The following SRCIN1 variants were observed in gnomAD, a reference collection of about 807,000 sequenced individuals.
The protein encoded by SRCIN1 is SRC kinase signaling inhibitor 1.
SRCIN1 carries 50 observed loss-of-function variants against 116.2 expected under a neutral mutation model. The observed-to-expected ratio is 0.43, with a 90% confidence interval of 0.34 to 0.54. SRCIN1 has a LOEUF of 0.54. Ranked by LOEUF, SRCIN1 falls within the 20% of genes least tolerant of loss-of-function variation. The pLI is 0.02. For synonymous variants in SRCIN1, 736 were observed against 750.0 expected (o/e 0.98, Z 0.30); for missense variants, 1,446 against 1,672.0 (o/e 0.86, Z 2.36).
rs566432083 is a variant in SRCIN1 at position 38,585,853 on chromosome 17, G to C, written c.23-7062C>G. The stretch of plus-strand genomic sequence containing the variant: ...GGCGTGTGATGGGGGAAGGGCGATG[G>C]GGGGAAGGAGGCAGCTGGACTGAGG... On this transcript the variant is annotated intron_variant, in intron 1 of 18. Transcript: ENST00000617146. The surrounding 1 kb of genome is among the most constrained non-coding windows in gnomAD (Gnocchi z 4.2). Among the ~76,000 whole-genome samples, 1 of 152,118 alleles carries C rather than the reference G, an allele frequency of 6.6e-6. No individual in the cohort carries two copies. Among genetic ancestry groups the C allele is most frequent in the African/African-American group, 2.4e-5 (1 of 41,408 alleles).
chr17:38,564,416 C>CGACACCCACACAGATTACA (rs1906542575), intron 3 of SRCIN1, 103 bp from the exon 4 acceptor site: 5 of 1,216,166 alleles, frequency 4.1e-6, no homozygotes, highest in African/African-American at 1.5e-5. Flanking sequence ...TGCCAGCCAG[C>CGACACCCACACAGATTACA]GACACCCACA....
chr17:38,603,221 G>A (rs1393368554), intron 1 of SRCIN1, among the ~76,000 whole-genome samples: 1 of 152,086 alleles, frequency 6.6e-6, no homozygotes, highest in East Asian at 1.9e-4. Flanking sequence ...GGGAGAGAGA[G>A]AGAAAGAGAG....
chr17:38,542,470 TC>T, intron 18 of SRCIN1: 1 of 153,040 alleles, frequency 6.5e-6, no homozygotes, highest in Admixed American at 6.5e-5. Context: ...TCTGTCAGTG[TC>T]AGCTGCTCTG....
intron 18 of SRCIN1, among the ~76,000 whole-genome samples, chr17:38,540,375 TGAA>T (rs1904651905): frequency 6.6e-6 from 1 of 152,326 alleles, no homozygotes; most frequent in Admixed American, 6.5e-5. Context: ...ACTCACTGGA[TGAA>T]GGAGAGGCCT....
chr17:38,600,642 C>G (rs749596663), intron 1 of SRCIN1, among the ~76,000 whole-genome samples: 9 of 152,220 alleles, frequency 5.9e-5, no homozygotes, highest in Non-Finnish European at 1.3e-4. Context: ...GCTAAGCTCC[C>G]GGCAGAGGGC....
Position 38,561,698 on chromosome 17 carries a change from G to T in SRCIN1, c.1465C>A (p.Pro489Thr). 1 of 1,540,200 alleles carries T rather than the reference G, an allele frequency of 6.5e-7. No individual in the cohort carries two copies. The highest frequency in any genetic ancestry group is 2.4e-5 in the East Asian group (1 of 40,922). ...ADVAAPPGGP[P>T]PPHSPYSGPP... ...CCCGAGTAGGGGCTGTGCGGTGGCG[G>T]GGGACCTCCGGGGGGTGCTGCCACG... The change falls in exon 7 of 19, where the codon CCG (proline) becomes ACG (threonine). Residue 489 changes from proline to threonine, a missense_variant. This residue lies in a region of SRCIN1 where 398 missense variants were observed against 385.6 expected (regional missense o/e 1.03). Coordinates refer to ENST00000617146, the MANE Select transcript of SRCIN1 (RefSeq NM_025248.3).
At position 38,552,042 on chromosome 17, in the gene SRCIN1, G is replaced by A. The variant is rs202075131; in HGVS notation, c.2571C>T (p.Ser857=). The part of the protein sequence containing the change: ...KVTAETDFNK[S]VDFEMPPPSP... ...TGGGGGGTGGCATTTCGAAGTCCAC[G>A]CTCTTGTTGAAGTCAGTCTCTGCCG... The change falls in exon 14 of 19, where the codon AGC becomes AGT. Residue 857 remains serine, a synonymous_variant. Coordinates refer to ENST00000617146, the MANE Select transcript of SRCIN1 (RefSeq NM_025248.3). This position sits in a 1 kb window ranked among gnomAD's most constrained non-coding sequence, Gnocchi z 5.3. 1.7e-5 allele frequency: 27 copies of A among 1,613,806 alleles called. No individual in the cohort carries two copies. The highest frequency in any genetic ancestry group is 2.2e-5 in the East Asian group (1 of 44,884).
Position 38,578,808 on chromosome 17 carries a change from GGGCAC to G in SRCIN1, c.23-22_23-18del. The G allele has an allele frequency of 6.8e-7, 1 of 1,467,272 alleles. No individual in the cohort carries two copies. Among genetic ancestry groups the G allele is most frequent in the Non-Finnish European group, 9.0e-7 (1 of 1,112,602 alleles). The allele number at this position is 1,467,272 out of a possible 1,614,324, so 90.9% of individuals were successfully genotyped here. ...GCTCCGGATCTGCGAGAGGTGAGAG[GGGCAC>G]GGCTGGGTCACGGCGCGCCCGGCCT... On this transcript the variant is annotated intron_variant, in intron 1 of 18. Transcript: ENST00000617146.
chr17:38,565,100 C>G (rs191687973), intron 3 of SRCIN1, among the ~76,000 whole-genome samples: 31 of 151,016 alleles, frequency 2.1e-4, no homozygotes, highest in Non-Finnish European at 1.5e-5. Flanking sequence ...AGGCTGATAT[C>G]TGGCTGGGGG....
chr17:38,564,048 G>A (rs2061248161), intron 4 of SRCIN1, 70 bp downstream of exon 4: 3 of 1,501,634 alleles, frequency 2.0e-6, no homozygotes, highest in African/African-American at 1.4e-5. Context: ...GGGGAGGAGG[G>A]GGCTCCAGGG....
Position 38,562,157 on chromosome 17 carries a change from G to GC in SRCIN1, c.1005dup (p.Arg336AlafsTer63). Reference sequence around the variant, plus strand: ...GGGCTGCCGGCGTACGAAGGCGGGCGCCCCCCGGCGTACGATAGGCGCGAA... The same window carrying GC: ...GGGCTGCCGGCGTACGAAGGCGGGCGCCCCCCCGGCGTACGATAGGCGCGAA... On this transcript the variant is annotated frameshift_variant, in exon 7 of 19. Transcript: ENST00000617146. LOFTEE classifies it high-confidence loss of function. The surrounding 1 kb of genome is among the most constrained non-coding windows in gnomAD (Gnocchi z 4.2). The GC allele has an allele frequency of 7.3e-7, 1 of 1,365,096 alleles. No homozygotes were observed. The highest frequency in any genetic ancestry group is 9.4e-7 in the Non-Finnish European group (1 of 1,067,006). 84.6% of individuals were successfully genotyped at this position (1,365,096 alleles called of 1,614,324 possible). A position where few individuals can be genotyped will look rare whatever the true frequency, so the allele number is the denominator to read the frequency against.
Position 38,558,277 on chromosome 17 carries a change from C to G in SRCIN1, c.2151G>C (p.Glu717Asp). Reference protein sequence around the residue: ...PLQRQRTLVEEERLRYLNDEE... With the variant: ...PLQRQRTLVEDERLRYLNDEE... Reference sequence around the variant, plus strand: ...CGTCGTTGAGATAGCGCAGCCGTTCCTCTTCCACCAGGGTGCGCTGCCGCT... The same window carrying G: ...CGTCGTTGAGATAGCGCAGCCGTTCGTCTTCCACCAGGGTGCGCTGCCGCT... The change falls in exon 11 of 19, where the codon GAG (glutamate) becomes GAC (aspartate). Residue 717 changes from glutamate (E) to aspartate (D), a missense_variant. By Grantham distance (45) the Glu-to-Asp change is conservative (BLOSUM62 2). This residue lies in a region of SRCIN1 where 531 missense variants were observed against 633.9 expected (regional missense o/e 0.84). Coordinates refer to ENST00000617146, the MANE Select transcript of SRCIN1 (RefSeq NM_025248.3). This position sits in a 1 kb window ranked among gnomAD's most constrained non-coding sequence, Gnocchi z 4.6. 1 of 1,612,748 alleles carries G rather than the reference C, an allele frequency of 6.2e-7. No individual in the cohort carries two copies. The highest frequency in any genetic ancestry group is 8.5e-7 in the Non-Finnish European group (1 of 1,179,704).
At chr17:38,556,434 A>C (rs1905798751) in intron 11 of SRCIN1, among the ~76,000 whole-genome samples, 1 of 152,248 alleles carries the variant, frequency 6.6e-6, no homozygotes, top group Admixed American at 6.5e-5. Flanking sequence ...TGGGCAGGTG[A>C]GTGAGTCAAG....
Position 38,533,347 on chromosome 17 carries a change from T to C in SRCIN1, c.3502A>G (p.Ile1168Val), listed in dbSNP as rs1764193363. The change falls in exon 19 of 19, where the codon ATC becomes GTC. Residue 1168 changes from isoleucine (I) to valine (V), a missense_variant. By Grantham distance (29) the Ile-to-Val change is conservative. Transcript: ENST00000617146. ...SEKPSASRTS[I>V]PVLTSFGARN... is the part of the protein sequence containing the mutation. ...GCCCCAAAGGAAGTCAATACAGGGA[T>C]AGAGGTTCTGGAAGCCGAGGGCTTT... 1 of 1,603,378 alleles carries C rather than the reference T, an allele frequency of 6.2e-7. No homozygotes were observed.
At chr17:38,537,709 T>A (rs1449099974) in intron 18 of SRCIN1, among the ~76,000 whole-genome samples, 1 of 149,262 alleles carries the variant, frequency 6.7e-6, no homozygotes, top group Non-Finnish European at 1.5e-5. Context: ...GAGAATGGCG[T>A]GAACCCAGGA....
At chr17:38,535,563 G>A (rs1190411826) in intron 18 of SRCIN1, among the ~76,000 whole-genome samples, 1 of 152,014 alleles carries the variant, frequency 6.6e-6, no homozygotes, top group Non-Finnish European at 1.5e-5. Context: ...GGGAGTTCTA[G>A]GGGGTCCAGG....
chr17:38,587,942 C>G (rs1908210309), intron 1 of SRCIN1, among the ~76,000 whole-genome samples: 1 of 151,998 alleles, frequency 6.6e-6, no homozygotes, highest in Admixed American at 6.6e-5. Flanking sequence ...CCTCCTCTTT[C>G]ACACACAGCA....
Position 38,563,853 on chromosome 17 carries a change from TGGGAGAGAA to T in SRCIN1, c.541+256_541+264del. 3 of 601,760 alleles carry T rather than the reference TGGGAGAGAA, an allele frequency of 5.0e-6. No individual in the cohort carries two copies. Among genetic ancestry groups the T allele is most frequent in the Non-Finnish European group, 8.8e-6 (3 of 342,064 alleles). 37.3% of individuals were successfully genotyped at this position (601,760 alleles called of 1,614,324 possible). ...GTTGGAGAGAGTTAGAGAAGGGAGATGGGAGAGAAGGGAGGGATGAAAGAAAGGGACAGA... is the reference window on the plus strand; with the variant it reads ...GTTGGAGAGAGTTAGAGAAGGGAGATGGGAGGGATGAAAGAAAGGGACAGA... On this transcript the variant is annotated intron_variant, in intron 4 of 18. Coordinates refer to ENST00000617146, the MANE Select transcript of SRCIN1 (RefSeq NM_025248.3). This position sits in a 1 kb window ranked among gnomAD's most constrained non-coding sequence, Gnocchi z 5.8.
chr17:38,553,193 G>A (rs1374070261), intron 11 of SRCIN1, among the ~76,000 whole-genome samples: 2 of 152,202 alleles, frequency 1.3e-5, no homozygotes, highest in African/African-American at 4.8e-5. Flanking sequence ...GGAGGTTGAG[G>A]CTGCAGTGAG....
Sources: allele counts gnomAD v4.1 joint callset (sites outside exome capture counted in the v4.1 genomes callset), GRCh38; gene constraint gnomAD v4.1.1; regional missense constraint gnomAD v4.1.1; non-coding constraint Gnocchi (gnomAD v3.1); transcripts MANE v1.5; gene names NCBI Gene and HGNC (gene_info 2026-07-23, HGNC 2026-07-21).